JAZF1: variants seen among roughly 807,000 people sequenced by gnomAD.
JAZF1 encodes the protein juxtaposed with another zinc finger protein 1.
Under a neutral mutation model 26.4 loss-of-function variants are expected in JAZF1, and 8 were observed. The observed-to-expected ratio is 0.30, with a 90% CI of 0.18 to 0.55. The LOEUF is 0.55. Ranked by LOEUF, JAZF1 falls within the 20% of genes least tolerant of loss-of-function variation. JAZF1 has a pLI of 0.94. For synonymous variants in JAZF1, 126 were observed against 122.3 expected, an observed-to-expected ratio of 1.03 and a Z score of -0.20; for missense variants, 199 against 322.0, an observed-to-expected ratio of 0.62 and a Z score of 2.92.
intron 1 of JAZF1, among the ~76,000 whole-genome samples, chr7:28,030,408 T>C (rs1783169381): frequency 6.6e-6 from 1 of 152,210 alleles, no homozygotes; most frequent in South Asian, 2.1e-4. Context: ...ATTCCAATTA[T>C]AGCGCTTTAT....
At chr7:28,140,241 C>T (rs892433733) in intron 1 of JAZF1, among the ~76,000 whole-genome samples, 1 of 151,984 alleles carries the variant, frequency 6.6e-6, no homozygotes, top group Admixed American at 6.6e-5. Flanking sequence ...CACTACCACA[C>T]CCAGCTAATT....
intron 2 of JAZF1, among the ~76,000 whole-genome samples, chr7:27,930,320 C>T (rs1027865436): frequency 1.3e-5 from 2 of 152,076 alleles, no homozygotes; most frequent in African/African-American, 4.8e-5. Flanking sequence ...CTATAATGAA[C>T]ATATATTACT....
chr7:27,888,433 A>G (rs1783908230), intron 3 of JAZF1, among the ~76,000 whole-genome samples: 1 of 151,956 alleles, frequency 6.6e-6, no homozygotes, highest in South Asian at 2.1e-4. Context: ...GTCCTTACTA[A>G]GCCTATTTAA....
intron 2 of JAZF1, among the ~76,000 whole-genome samples, chr7:27,954,238 C>A (rs963415646): frequency 6.6e-6 from 1 of 152,214 alleles, no homozygotes; most frequent in African/African-American, 2.4e-5. Context: ...GGTGCTTCTT[C>A]TTCCTGCTGC....
intron 1 of JAZF1, among the ~76,000 whole-genome samples, chr7:28,155,237 A>T (rs991248406): frequency 6.6e-6 from 1 of 152,190 alleles, no homozygotes; most frequent in Non-Finnish European, 1.5e-5. Context: ...CTTTTACTCA[A>T]TTTCAGGGCA....
chr7:28,109,544 C>T (rs925912854), intron 1 of JAZF1, among the ~76,000 whole-genome samples: 1 of 152,166 alleles, frequency 6.6e-6, no homozygotes, highest in African/African-American at 2.4e-5. Context: ...ATAACAATAG[C>T]ACTGAATACT....
chr7:28,005,099 G>T (rs2128368728), intron 1 of JAZF1, among the ~76,000 whole-genome samples: 1 of 152,260 alleles, frequency 6.6e-6, no homozygotes, highest in East Asian at 1.9e-4. Context: ...TTTGAATTGT[G>T]ATATGGTTTT....
chr7:28,150,422 T>C (rs1204352699), intron 1 of JAZF1, among the ~76,000 whole-genome samples: 2 of 152,234 alleles, frequency 1.3e-5, no homozygotes, highest in Admixed American at 1.3e-4. Context: ...ACTATCATTA[T>C]CTTCATTTTG....
chr7:27,978,227 C>A (rs1785508963), intron 2 of JAZF1, among the ~76,000 whole-genome samples: 1 of 152,130 alleles, frequency 6.6e-6, no homozygotes, highest in Non-Finnish European at 1.5e-5. Flanking sequence ...TTATATATGA[C>A]AGACACTGTT....
intron 1 of JAZF1, among the ~76,000 whole-genome samples, chr7:28,099,420 C>T (rs1298786340): frequency 6.6e-6 from 1 of 150,908 alleles, no homozygotes; most frequent in Non-Finnish European, 1.5e-5. Context: ...AAAACTTCTA[C>T]ACTTTGGAAT....
intron 1 of JAZF1, among the ~76,000 whole-genome samples, chr7:28,082,597 G>C (rs1035961495): frequency 6.6e-6 from 1 of 152,112 alleles, no homozygotes; most frequent in Non-Finnish European, 1.5e-5. Flanking sequence ...CCACGCTGCA[G>C]TATGTTTGAA....
chr7:28,016,086 G>C (rs1269252567), intron 1 of JAZF1, among the ~76,000 whole-genome samples: 1 of 152,172 alleles, frequency 6.6e-6, no homozygotes, highest in Admixed American at 6.5e-5. Flanking sequence ...GGAGTGAACT[G>C]CATGCTGAAA....
chr7:27,956,842 C>T (rs1785103949), intron 2 of JAZF1, among the ~76,000 whole-genome samples: 1 of 152,196 alleles, frequency 6.6e-6, no homozygotes, highest in African/African-American at 2.4e-5. Flanking sequence ...TTAATTCAAC[C>T]ACTGAGGGAC....
chr7:28,000,385 G>A (rs1786120619), intron 1 of JAZF1, among the ~76,000 whole-genome samples: 1 of 152,040 alleles, frequency 6.6e-6, no homozygotes, highest in Non-Finnish European at 1.5e-5. Flanking sequence ...AGAGTCATCT[G>A]GTCTAAAATG....
intron 2 of JAZF1, among the ~76,000 whole-genome samples, chr7:27,899,197 G>C (rs2055832100): frequency 6.6e-6 from 1 of 152,200 alleles, no homozygotes; most frequent in South Asian, 2.1e-4. Flanking sequence ...TAGTGGCAAG[G>C]AGCCATTTGG....
chr7:27,929,960 C>CTCTCTCTT (rs57607641), intron 2 of JAZF1, among the ~76,000 whole-genome samples: 1 of 146,440 alleles, frequency 6.8e-6, no homozygotes, highest in African/African-American at 2.6e-5. Flanking sequence ...CTCTCTCTCT[C>CTCTCTCTT]CCCCTCTCTC....
rs577218769 is a variant in JAZF1 at position 27,831,223 on chromosome 7, G to A, written c.*1577C>T. Reference sequence around the variant, plus strand: ...AAGGATTTTAGAACTTATGAATATAGAGGTTTACTCATCTAACAAACAGAA... The same window carrying A: ...AAGGATTTTAGAACTTATGAATATAAAGGTTTACTCATCTAACAAACAGAA... On this transcript the variant is annotated 3_prime_UTR_variant, in exon 5 of 5. Coordinates refer to ENST00000283928, the MANE Select transcript of JAZF1 (RefSeq NM_175061.4). 8.9e-6 allele frequency: 2 copies of A among 223,984 alleles called. No individual in the cohort carries two copies. Among genetic ancestry groups the A allele is most frequent in the South Asian group, 1.8e-4 (1 of 5,432 alleles). 13.9% of individuals were successfully genotyped at this position (223,984 alleles called of 1,614,324 possible).
chr7:28,081,489 G>T (rs527979232), intron 1 of JAZF1, among the ~76,000 whole-genome samples: 1 of 152,302 alleles, frequency 6.6e-6, no homozygotes, highest in Non-Finnish European at 1.5e-5. Flanking sequence ...CATTCCCCCA[G>T]CTATTCTACT....
At chr7:28,078,676 G>A (rs551345410) in intron 1 of JAZF1, among the ~76,000 whole-genome samples, 6 of 152,150 alleles carry the variant, frequency 3.9e-5, no homozygotes, top group East Asian at 1.9e-4. Flanking sequence ...CAGTGAATCC[G>A]GACACTATAC....
Sources: allele counts gnomAD v4.1 joint callset (sites outside exome capture counted in the v4.1 genomes callset), GRCh38; gene constraint gnomAD v4.1.1; transcripts MANE v1.5; gene names NCBI Gene and HGNC (gene_info 2026-07-23, HGNC 2026-07-21).